CABIN1: variants seen among roughly 807,000 people sequenced by gnomAD.
CABIN1 encodes calcineurin-binding protein cabin-1.
Under a neutral mutation model 227.7 loss-of-function variants are expected in CABIN1, and 133 were observed. The ratio of observed to expected loss-of-function variants is 0.58; its 90% CI spans 0.51 to 0.67. The LOEUF (loss-of-function observed/expected upper bound fraction) is 0.67, where lower values mean the gene tolerates loss of function less well. CABIN1 is among the 30% of genes least tolerant of loss of function. The pLI, the probability that CABIN1 is intolerant of heterozygous loss-of-function variation, is 0.00. For synonymous variants in CABIN1, 1,086 were observed against 1,155.1 expected (o/e 0.94, Z 1.21); for missense variants, 2,408 against 2,852.5 (o/e 0.84, Z 3.55).
chr22:24,104,618 T>G (rs1419276099), intron 26 of CABIN1, among the ~76,000 whole-genome samples: 2 of 152,150 alleles, frequency 1.3e-5, no homozygotes, highest in African/African-American at 2.4e-5. Context: ...TTCCTCTCTC[T>G]CAGGGGCCCC....
intron 1 of CABIN1, among the ~76,000 whole-genome samples, chr22:24,015,945 G>C (rs942023067): frequency 6.6e-6 from 1 of 152,190 alleles, no homozygotes; most frequent in African/African-American, 2.4e-5. Flanking sequence ...GCGACAGGGC[G>C]AGACCCGGTC....
chr22:24,062,346 ATTTTTT>A (rs35757164), intron 13 of CABIN1, among the ~76,000 whole-genome samples: 4 of 96,540 alleles, frequency 4.1e-5, no homozygotes, highest in African/African-American at 1.4e-4. Context: ...GGTGATACGG[ATTTTTT>A]TTTTTTTTTT....
At chr22:24,147,945 A>G (rs1188192736) in intron 29 of CABIN1, among the ~76,000 whole-genome samples, 1 of 152,156 alleles carries the variant, frequency 6.6e-6, no homozygotes, top group Non-Finnish European at 1.5e-5. Context: ...CACATTCAGG[A>G]AAGCCTGGGC....
At chr22:24,071,886 G>C (rs2040112557) in intron 17 of CABIN1, among the ~76,000 whole-genome samples, 2 of 152,016 alleles carry the variant, frequency 1.3e-5, no homozygotes, top group African/African-American at 4.8e-5. Context: ...CCCACTCCTT[G>C]CCCTCCCTGG....
rs542174965 is a variant in CABIN1 at position 24,040,698 on chromosome 22, T to C, written c.211-441T>C. ...TATGCTCATGTGATGAGTTATAGAGTTGGGAGCTCAGTCTCTTGATTCCTA... is the reference window on the plus strand; with the variant it reads ...TATGCTCATGTGATGAGTTATAGAGCTGGGAGCTCAGTCTCTTGATTCCTA... On this transcript the variant is annotated intron_variant, in intron 4 of 36. Coordinates refer to ENST00000263119, the MANE Select transcript of CABIN1 (RefSeq NM_012295.4). 3.9e-5 allele frequency among the ~76,000 whole-genome samples: 6 copies of C among 152,302 alleles called. No individual in the cohort carries two copies. In the South Asian group the frequency reaches 1.2e-3, roughly 32 times the overall value.
At chr22:24,094,385 C>T (rs1313296283) in intron 24 of CABIN1, among the ~76,000 whole-genome samples, 2 of 152,188 alleles carry the variant, frequency 1.3e-5, no homozygotes, top group Non-Finnish European at 2.9e-5. Flanking sequence ...AGATGTGTGG[C>T]CTACCCTCTC....
chr22:24,056,420 C>T, intron 10 of CABIN1, 60 bp downstream of exon 10: 1 of 1,542,146 alleles, frequency 6.5e-7, no homozygotes, highest in Non-Finnish European at 9.0e-7. Flanking sequence ...CATACACCAT[C>T]AGTAACATTT....
In CABIN1 at chr22:24,115,455, A is replaced by C. The variant is rs186543954; in HGVS notation, c.4300+1707A>C. 8.5e-5 allele frequency among the ~76,000 whole-genome samples: 13 copies of C among 152,360 alleles called. No homozygotes were observed. The East Asian group carries it at 2.1e-3, about 25-fold the overall frequency. ...CACCACAATAGCTGATAAGCATGAA[A>C]TGAAACCTCTTGCTTCCATGGCCAT... On this transcript the variant is annotated intron_variant, in intron 27 of 36. Transcript: ENST00000263119.
chr22:24,030,163 C>T (rs1201353973), intron 1 of CABIN1, among the ~76,000 whole-genome samples: 2 of 152,148 alleles, frequency 1.3e-5, no homozygotes, highest in African/African-American at 4.8e-5. Context: ...TATTCTATGG[C>T]CATCAGCAAA....
At chr22:24,110,369 T>C (rs1229916394) in intron 26 of CABIN1, among the ~76,000 whole-genome samples, 1 of 152,238 alleles carries the variant, frequency 6.6e-6, no homozygotes, top group Non-Finnish European at 1.5e-5. Context: ...TTCATTTCAC[T>C]TTTACATATG....
intron 28 of CABIN1, among the ~76,000 whole-genome samples, chr22:24,122,086 C>T (rs1385986297): frequency 1.8e-5 from 2 of 111,016 alleles, no homozygotes; most frequent in African/African-American, 7.1e-5. Flanking sequence ...TGCTAAATGG[C>T]TTTATGTTGA....
At chr22:24,037,190 G>GCAGA (rs2036964081) in intron 3 of CABIN1, among the ~76,000 whole-genome samples, 1 of 150,542 alleles carries the variant, frequency 6.6e-6, no homozygotes, top group Admixed American at 6.6e-5. Flanking sequence ...AGCCTGGAAG[G>GCAGA]CAGAGGTTGC....
At chr22:24,031,979 A>C (rs73879032) in intron 1 of CABIN1, among the ~76,000 whole-genome samples, 1,530 of 152,350 alleles carry the variant, frequency 0.01, 20 homozygotes, top group African/African-American at 0.035. Context: ...TATTTAAAGA[A>C]ATGGTAAAAT....
At chr22:24,092,759 G>T (rs1271721321) in intron 24 of CABIN1, among the ~76,000 whole-genome samples, 1 of 151,490 alleles carries the variant, frequency 6.6e-6, no homozygotes, top group Non-Finnish European at 1.5e-5. Context: ...GAAGTGTACA[G>T]TGTGAATGTG....
Position 24,164,534 on chromosome 22 carries a change from C to T in CABIN1, c.4881C>T (p.Ser1627=). ...RDHSTLLKVS[S]MLQRTPDQGK... is the part of the protein sequence containing the mutation. ...ACAGCACCCTGCTGAAGGTGTCCTC[C>T]ATGCTTCAGCGGACCCCAGACCAGG... The change falls in exon 30 of 37, where the codon TCC becomes TCT. Residue 1627 remains serine (S), a synonymous_variant. Transcript: ENST00000263119. The T allele has an allele frequency of 6.2e-7, 1 of 1,605,436 alleles. No individual in the cohort carries two copies. Among genetic ancestry groups the T allele is most frequent in the Non-Finnish European group, 8.5e-7 (1 of 1,179,956 alleles).
chr22:24,071,952 T>A (rs1601913643), intron 17 of CABIN1, among the ~76,000 whole-genome samples: 1 of 152,274 alleles, frequency 6.6e-6, no homozygotes, highest in South Asian at 2.1e-4. Context: ...GGCTCTCACC[T>A]GTCTGCCCCA....
chr22:24,057,190 C>T (rs1487967271), intron 10 of CABIN1, among the ~76,000 whole-genome samples: 2 of 152,200 alleles, frequency 1.3e-5, no homozygotes, highest in Non-Finnish European at 1.5e-5. Context: ...CCCGCCTCAA[C>T]CTCCCAAAGT....
chr22:24,122,691 G>A (rs1190460941), intron 28 of CABIN1, among the ~76,000 whole-genome samples: 1 of 151,418 alleles, frequency 6.6e-6, no homozygotes, highest in Non-Finnish European at 1.5e-5. Context: ...CTGGGCGAAA[G>A]ACCAAAACTC....
At chr22:24,141,056 C>A (rs951715000) in intron 29 of CABIN1, among the ~76,000 whole-genome samples, 2 of 152,208 alleles carry the variant, frequency 1.3e-5, no homozygotes, top group African/African-American at 4.8e-5. Flanking sequence ...CACAAATCAC[C>A]CTTAGGTCTG....
Sources: gnomAD v4.1 joint callset for allele counts (sites outside exome capture counted in the v4.1 genomes callset) on GRCh38, gnomAD v4.1.1 for gene constraint, MANE v1.5 for transcripts, NCBI Gene and HGNC (gene_info 2026-07-23, HGNC 2026-07-21) for gene names.